DMD: variants seen among roughly 807,000 people sequenced by gnomAD.
The protein encoded by DMD is mutant dystrophin.
A neutral mutation model predicts 330.1 loss-of-function variants in DMD; 63 were observed. That is an observed-to-expected ratio of 0.19 (90% confidence interval 0.16 to 0.24). The LOEUF (loss-of-function observed/expected upper bound fraction) is 0.24. DMD is among the 10% of genes least tolerant of loss of function. DMD has a pLI of 1.00. For missense variants in DMD, 3,344 were observed against 2,684.1 expected, an observed-to-expected ratio of 1.25 and a Z score of -5.43; for synonymous variants, 1,223 against 959.8, an observed-to-expected ratio of 1.27 and a Z score of -5.07.
At chrX:31,860,738 G>A (rs922026033) in intron 48 of DMD, among the ~76,000 whole-genome samples, 1 of 112,418 alleles carries the variant, frequency 8.9e-6, no homozygotes, top group African/African-American at 3.2e-5. Flanking sequence ...ACCTTCTTTA[G>A]GTAATGTATT....
In DMD at chrX:33,087,843, T is replaced by C. The variant is rs185144076; in HGVS notation, c.32-67643A>G. Among the ~76,000 whole-genome samples the C allele has an allele frequency of 3.0e-3, 330 of 111,392 alleles. 3 individuals are homozygous for C. The highest frequency in any genetic ancestry group is 0.01 in the African/African-American group (320 of 30,671). ...CACCTTCTTGATTATTTCTGAGTTC[T>C]TTTTGGATCTTTATGACTTCTTTAT... On this transcript the variant is annotated intron_variant, in intron 1 of 78. Coordinates refer to ENST00000357033, the MANE Select transcript of DMD (RefSeq NM_004006.3).
At chrX:32,337,996 A>C (rs6631557) in intron 41 of DMD, among the ~76,000 whole-genome samples, 1 of 110,321 alleles carries the variant, frequency 9.1e-6, no homozygotes, top group African/African-American at 3.3e-5. Context: ...AAATCTATAG[A>C]CAAGAAATTC....
At chrX:31,462,457 A>G (rs1212748583) in intron 59 of DMD, among the ~76,000 whole-genome samples, 1 of 111,355 alleles carries the variant, frequency 9.0e-6, no homozygotes, top group Non-Finnish European at 1.9e-5. Flanking sequence ...GGGCAACAAG[A>G]GCGAAACTCC....
At chrX:32,790,973 C>G (rs1242286222) in intron 7 of DMD, among the ~76,000 whole-genome samples, 2 of 110,839 alleles carry the variant, frequency 1.8e-5, no homozygotes, top group Admixed American at 1.9e-4. Flanking sequence ...CTTCCCAGCT[C>G]TGCTCTTCCA....
At chrX:33,041,448 G>T (rs777741420) in intron 1 of DMD, 2 of 1,202,322 alleles carry the variant, frequency 1.7e-6, no homozygotes, top group South Asian at 3.6e-5. Context: ...TGGTGAAGCG[G>T]TTGGTCAAAT....
At chrX:32,358,101 T>C (rs2097812787) in intron 37 of DMD, among the ~76,000 whole-genome samples, 1 of 110,471 alleles carries the variant, frequency 9.1e-6, no homozygotes, top group East Asian at 2.8e-4. Context: ...TAATATATGG[T>C]TGGTGAGAAT....
At position 32,879,755 on chromosome X, in the gene DMD, G is replaced by A. The variant is rs139545646; in HGVS notation, c.94-29935C>T. Among the ~76,000 whole-genome samples the A allele has an allele frequency of 3.5e-3, 390 of 111,439 alleles. 8 individuals are homozygous for A. In the East Asian group the frequency reaches 0.065, roughly 19 times the overall value. ...GGTACCATAAAAAGGATGATCAGCT[G>A]GAAATCAAGACCTTCAATCTCTACT... On this transcript the variant is annotated intron_variant, in intron 2 of 78. Transcript: ENST00000357033.
At chrX:32,028,494 A>G (rs2095862216) in intron 44 of DMD, among the ~76,000 whole-genome samples, 1 of 111,594 alleles carries the variant, frequency 9.0e-6, no homozygotes, top group Non-Finnish European at 1.9e-5. Context: ...AAATGGGCTC[A>G]AAAAGGAGGG....
chrX:32,577,731 A>G (rs1349358697), intron 13 of DMD, among the ~76,000 whole-genome samples: 2 of 112,424 alleles, frequency 1.8e-5, no homozygotes, highest in East Asian at 5.6e-4. Context: ...ATCCTTTAGT[A>G]ACATATTCTA....
intron 42 of DMD, among the ~76,000 whole-genome samples, chrX:32,302,672 G>A (rs148073287): frequency 0.014 from 1,603 of 110,775 alleles, 36 homozygotes; most frequent in African/African-American, 0.05. Flanking sequence ...GATACTTTAC[G>A]TGGAAATTTA....
chrX:32,905,175 A>C (rs2086632395), intron 2 of DMD, among the ~76,000 whole-genome samples: 1 of 111,906 alleles, frequency 8.9e-6, no homozygotes, highest in African/African-American at 3.2e-5. Flanking sequence ...ATGCAGCAAC[A>C]GTTTGCTTTT....
Position 32,518,997 on chromosome X carries a change from CTTTTTTTTTTTT to C in DMD, c.2169-878_2169-867del, listed in dbSNP as rs56678455. ...ATCACCTATCCTGTTATTTTCAAAC[CTTTTTTTTTTTT>C]TTTTTTTTTTTTTTTGGAAGAGATC... On this transcript the variant is annotated intron_variant, in intron 17 of 78. Coordinates refer to ENST00000357033, the MANE Select transcript of DMD (RefSeq NM_004006.3). Among the ~76,000 whole-genome samples the C allele has an allele frequency of 3.8e-4, 16 of 42,089 alleles. 1 individual carries two copies. Among genetic ancestry groups the C allele is most frequent in the African/African-American group, 1.1e-3 (11 of 10,289 alleles). The allele number at this position is 42,089 out of a possible 115,157, so 36.5% of individuals were successfully genotyped here.
chrX:32,593,966 G>A lies in DMD; in HGVS notation c.1602+1791C>T, dbSNP rs370012112. Among the ~76,000 whole-genome samples, 305 of 112,083 alleles carry A rather than the reference G, an allele frequency of 2.7e-3. 2 individuals carry two copies. The highest frequency in any genetic ancestry group is 4.8e-3 in the Non-Finnish European group (257 of 53,221). ...TTTGAGAGAAAGAATCTAATTATCGGAGAGCACACTTTTCAGAATATTACA... is the reference window on the plus strand; with the variant it reads ...TTTGAGAGAAAGAATCTAATTATCGAAGAGCACACTTTTCAGAATATTACA... On this transcript the variant is annotated intron_variant, in intron 13 of 78. Transcript: ENST00000357033.
At chrX:33,206,080 A>C (rs1488922779) in intron 1 of DMD, among the ~76,000 whole-genome samples, 3 of 111,669 alleles carry the variant, frequency 2.7e-5, no homozygotes, top group Admixed American at 9.6e-5. Context: ...TCGTTGACAC[A>C]ACCACATTTT....
chrX:32,816,865 A>G (rs1030195724), intron 5 of DMD, among the ~76,000 whole-genome samples: 1 of 111,653 alleles, frequency 9.0e-6, no homozygotes, highest in African/African-American at 3.3e-5. Flanking sequence ...TGTGTTCACT[A>G]TTACTCCTGG....
chrX:33,224,810 C>T (rs1351871403), intron 1 of DMD, among the ~76,000 whole-genome samples: 4 of 111,185 alleles, frequency 3.6e-5, no homozygotes, highest in Admixed American at 9.6e-5. Flanking sequence ...AGGCCATGCT[C>T]GTGCGGGCAC....
chrX:31,760,082 A>G (rs1474858497), intron 51 of DMD, among the ~76,000 whole-genome samples: 1 of 111,811 alleles, frequency 8.9e-6, no homozygotes, highest in Non-Finnish European at 1.9e-5. Context: ...GGAGATGTAC[A>G]TCATAGATTG....
intron 59 of DMD, among the ~76,000 whole-genome samples, chrX:31,470,118 C>T (rs926831920): frequency 3.6e-5 from 4 of 110,667 alleles, no homozygotes; most frequent in East Asian, 2.9e-4. Context: ...GGTTAGAACA[C>T]GCTCCTTTAG....
At chrX:32,261,316 G>C (rs1032434379) in intron 43 of DMD, among the ~76,000 whole-genome samples, 7 of 111,837 alleles carry the variant, frequency 6.3e-5, no homozygotes, top group African/African-American at 2.3e-4. Context: ...TGGGTGGAGA[G>C]AGATCTCTTA....
Sources: gnomAD v4.1 joint callset for allele counts (sites outside exome capture counted in the v4.1 genomes callset) on GRCh38, gnomAD v4.1.1 for gene constraint, MANE v1.5 for transcripts, NCBI Gene and HGNC (gene_info 2026-07-23, HGNC 2026-07-21) for gene names.